GNB1L: variants seen among roughly 807,000 people sequenced by gnomAD.
GNB1L encodes the protein guanine nucleotide-binding protein subunit beta-like protein 1.
A neutral mutation model predicts 29.1 loss-of-function variants in GNB1L; 20 were observed. That is an observed-to-expected ratio of 0.69 (90% CI 0.48 to 1.00). The LOEUF (loss-of-function observed/expected upper bound fraction) is 1.00. Among genes scored for constraint, GNB1L ranks in the 50% least tolerant of loss-of-function variants. The pLI, the probability that GNB1L is intolerant of heterozygous loss-of-function variation, is 0.00. For synonymous variants in GNB1L, 193 were observed against 206.5 expected, an observed-to-expected ratio of 0.93 and a Z score of 0.56; for missense variants, 421 against 464.9, an observed-to-expected ratio of 0.91 and a Z score of 0.87.
chr22:19,803,777 C>T (rs190995783), intron 6 of GNB1L, among the ~76,000 whole-genome samples: 56 of 152,342 alleles, frequency 3.7e-4, no homozygotes, highest in African/African-American at 1.3e-3. Context: ...AGGCCAACCC[C>T]AGAAGCTGAC....
At chr22:19,826,461 A>C (rs906776701) in intron 2 of GNB1L, among the ~76,000 whole-genome samples, 2 of 152,212 alleles carry the variant, frequency 1.3e-5, no homozygotes, top group African/African-American at 2.4e-5. Flanking sequence ...GAGGCAACAA[A>C]AAACAGAACT....
intron 2 of GNB1L, among the ~76,000 whole-genome samples, chr22:19,839,695 A>T (rs567000768): frequency 2.6e-5 from 4 of 152,074 alleles, no homozygotes; most frequent in Non-Finnish European, 5.9e-5. Flanking sequence ...CCTGGCTAAC[A>T]TGGTGAAACT....
At chr22:19,808,031 C>T (rs1261245429) in intron 5 of GNB1L, among the ~76,000 whole-genome samples, 1 of 152,214 alleles carries the variant, frequency 6.6e-6, no homozygotes, top group African/African-American at 2.4e-5. Flanking sequence ...GCAGGCTGCT[C>T]TTGCCAGGGG....
chr22:19,820,494 C>T, intron 4 of GNB1L, 104 bp downstream of exon 4: 2 of 1,287,552 alleles, frequency 1.6e-6, no homozygotes, highest in Middle Eastern at 2.8e-4. Flanking sequence ...CCTTCTGGTT[C>T]CCCCACCCCA....
chr22:19,800,015 T>C (rs758772176), intron 7 of GNB1L, among the ~76,000 whole-genome samples: 25 of 152,064 alleles, frequency 1.6e-4, no homozygotes, highest in Non-Finnish European at 3.5e-4. Flanking sequence ...GGGAAACGCC[T>C]CTCCTTCGAT....
intron 2 of GNB1L, chr22:19,852,058 A>T: frequency 6.2e-7 from 1 of 1,614,228 alleles, no homozygotes; most frequent in Non-Finnish European, 8.5e-7. Context: ...AAGTGCCACT[A>T]GCTGTGCTCT....
At position 19,816,149 on chromosome 22, in the gene GNB1L, C is replaced by T. The variant is rs1400671484; in HGVS notation, c.255-3702G>A. On this transcript the variant is annotated intron_variant, in intron 4 of 7. Coordinates refer to ENST00000329517, the MANE Select transcript of GNB1L (RefSeq NM_053004.3). This position sits in a 1 kb window ranked among gnomAD's most constrained non-coding sequence, Gnocchi z 4.4. ...GCCCCCTGCATGGCCCCTTCTCTCT[C>T]CCTGTCTCTGCCTCTCTCTCATGTC... Among the ~76,000 whole-genome samples the T allele has an allele frequency of 6.6e-6, 1 of 152,188 alleles. No homozygotes were observed. Among genetic ancestry groups the T allele is most frequent in the African/African-American group, 2.4e-5 (1 of 41,434 alleles).
intron 7 of GNB1L, among the ~76,000 whole-genome samples, chr22:19,790,456 C>T (rs962313526): frequency 1.3e-5 from 2 of 152,042 alleles, no homozygotes; most frequent in African/African-American, 4.8e-5. Flanking sequence ...TTCTCCTCTC[C>T]CACCTCACTG....
At chr22:19,840,878 T>C (rs988079792) in intron 2 of GNB1L, among the ~76,000 whole-genome samples, 1 of 152,040 alleles carries the variant, frequency 6.6e-6, no homozygotes, top group African/African-American at 2.4e-5. Context: ...TGTGCTTTTC[T>C]TCCCAAAACC....
chr22:19,834,456 G>A (rs964435239), intron 2 of GNB1L, among the ~76,000 whole-genome samples: 1 of 152,184 alleles, frequency 6.6e-6, no homozygotes, highest in African/African-American at 2.4e-5. Context: ...GAAGGTAGGA[G>A]GAGCAATGGT....
chr22:19,851,257 C>G (rs1938088766), intron 2 of GNB1L: 1 of 1,609,054 alleles, frequency 6.2e-7, no homozygotes, highest in Non-Finnish European at 8.5e-7. Context: ...CCTGGTCTCC[C>G]TCTGTCTCCA....
chr22:19,806,374 C>T (rs1937434540), intron 6 of GNB1L, among the ~76,000 whole-genome samples: 1 of 152,250 alleles, frequency 6.6e-6, no homozygotes, highest in African/African-American at 2.4e-5. Flanking sequence ...CACTGGAGGG[C>T]ACCACGAGCT....
intron 2 of GNB1L, 138 bp from the exon 3 acceptor site, chr22:19,821,513 C>T: frequency 1.2e-6 from 1 of 803,902 alleles, no homozygotes; most frequent in East Asian, 2.6e-5. Context: ...GAGAGAGGTG[C>T]CACTGCTCCC....
At chr22:19,805,760 T>C (rs1226105855) in intron 6 of GNB1L, among the ~76,000 whole-genome samples, 1 of 150,468 alleles carries the variant, frequency 6.6e-6, no homozygotes, top group Non-Finnish European at 1.5e-5. Context: ...CCAGCCTGGG[T>C]GACAGAGCGA....
At chr22:19,797,170 C>A (rs969517232) in intron 7 of GNB1L, among the ~76,000 whole-genome samples, 2 of 152,282 alleles carry the variant, frequency 1.3e-5, no homozygotes, top group East Asian at 3.9e-4. Context: ...CCCACCTCCA[C>A]CGCCCAAATG....
At chr22:19,805,789 A>T (rs888663304) in intron 6 of GNB1L, among the ~76,000 whole-genome samples, 1 of 152,092 alleles carries the variant, frequency 6.6e-6, no homozygotes, top group South Asian at 2.1e-4. Context: ...CACAAAAAAA[A>T]AATAAATAAA....
In GNB1L at chr22:19,821,340, G is replaced by A. The variant is rs1231484908; in HGVS notation, c.16C>T (p.Pro6Ser). 11 of 1,612,646 alleles carry A rather than the reference G, an allele frequency of 6.8e-6. No homozygotes were observed. The East Asian group carries it at 2.0e-4, about 29-fold the overall frequency. Residue 6 changes from proline to serine, a missense_variant, in exon 3 of 8, where the codon CCG (proline) becomes TCG (serine). By Grantham distance (74) the Pro-to-Ser change is moderately conservative. Coordinates refer to ENST00000329517, the MANE Select transcript of GNB1L (RefSeq NM_053004.3). MTAPCPPPPPDPQFVL... is the reference protein window; with the variant it reads MTAPCSPPPPDPQFVL... ...AACTGGGGGTCTGGAGGTGGCGGCG[G>A]GCAGGGGGCCGTCATGCTGGGCAGG...
At chr22:19,822,085 T>C (rs555995806) in intron 2 of GNB1L, among the ~76,000 whole-genome samples, 43 of 151,970 alleles carry the variant, frequency 2.8e-4, no homozygotes, top group Non-Finnish European at 5.4e-4. Flanking sequence ...CTCTCACATC[T>C]GCTGGGCCCC....
At chr22:19,838,792 G>A (rs774668186) in intron 2 of GNB1L, among the ~76,000 whole-genome samples, 2 of 152,096 alleles carry the variant, frequency 1.3e-5, no homozygotes, top group Non-Finnish European at 2.9e-5. Flanking sequence ...GCATTAACAT[G>A]TTGCCCAACA....
Sources: allele counts gnomAD v4.1 joint callset (sites outside exome capture counted in the v4.1 genomes callset), GRCh38; gene constraint gnomAD v4.1.1; non-coding constraint Gnocchi (gnomAD v3.1); transcripts MANE v1.5; gene names NCBI Gene and HGNC (gene_info 2026-07-23, HGNC 2026-07-21).